DOCK7: variants seen among roughly 807,000 people sequenced by gnomAD.
The protein encoded by DOCK7 is dedicator of cytokinesis protein 7.
DOCK7 carries 138 observed loss-of-function variants against 271.0 expected under a neutral mutation model. That is an observed-to-expected ratio of 0.51 (90% CI 0.44 to 0.59). DOCK7 has a LOEUF of 0.59. Among genes scored for constraint, DOCK7 ranks in the 20% least tolerant of loss-of-function variants. DOCK7 has a pLI of 0.00. For synonymous variants in DOCK7, 823 were observed against 876.1 expected (o/e 0.94, Z 1.07); for missense variants, 2,066 against 2,592.4 (o/e 0.80, Z 4.41).
intron 1 of DOCK7, among the ~76,000 whole-genome samples, chr1:62,670,955 T>TTTTGGG: frequency 6.6e-6 from 1 of 152,018 alleles, no homozygotes; most frequent in South Asian, 2.1e-4. Context: ...GCTGTAACAC[T>TTTTGGG]CCCCGCGAAG....
intron 2 of DOCK7, among the ~76,000 whole-genome samples, chr1:62,655,360 T>C (rs567198647): frequency 6.6e-6 from 1 of 152,232 alleles, no homozygotes; most frequent in South Asian, 2.1e-4. Context: ...TCTGTGCAGG[T>C]GCACATTATT....
At chr1:62,553,852 C>T (rs544397212) in intron 21 of DOCK7, among the ~76,000 whole-genome samples, 25 of 122,666 alleles carry the variant, frequency 2.0e-4, no homozygotes, top group Admixed American at 1.1e-3. Context: ...CGTGCGTGCG[C>T]GCACACACAC....
In DOCK7 at chr1:62,492,691, A is replaced by T; in HGVS notation, c.5361+13T>A. On this transcript the variant is annotated intron_variant, in intron 41 of 49. Transcript: ENST00000635253. ...ATGAAACTGTGGGAAAAGAATTAAC[A>T]AGAGTCATCTACCATAGAGAAGGAA... is the stretch of plus-strand genomic sequence containing the variant. The T allele has an allele frequency of 1.2e-6, 2 of 1,613,800 alleles. No individual in the cohort carries two copies. The highest frequency in any genetic ancestry group is 1.7e-6 in the Non-Finnish European group (2 of 1,179,844).
At chr1:62,590,313 T>G (rs1279447518) in intron 14 of DOCK7, among the ~76,000 whole-genome samples, 2 of 152,166 alleles carry the variant, frequency 1.3e-5, no homozygotes, top group African/African-American at 4.8e-5. Flanking sequence ...TCTTTTAAAA[T>G]AAGAAAGGTT....
intron 37 of DOCK7, among the ~76,000 whole-genome samples, chr1:62,497,639 C>A (rs1467786927): frequency 6.6e-6 from 1 of 152,170 alleles, no homozygotes; most frequent in Non-Finnish European, 1.5e-5. Context: ...TACACCCTCA[C>A]CATTTCTTAT....
chr1:62,455,535 T>C, intron 49 of DOCK7, 79 bp from the exon 50 acceptor site: 1 of 1,361,424 alleles, frequency 7.3e-7, no homozygotes, highest in Non-Finnish European at 1.0e-6. Flanking sequence ...ACATGGTTTT[T>C]TCTGCCAGTT....
At chr1:62,506,413 G>A (rs1018263455) in intron 35 of DOCK7, among the ~76,000 whole-genome samples, 3 of 151,974 alleles carry the variant, frequency 2.0e-5, no homozygotes, top group African/African-American at 7.2e-5. Context: ...CAGTTATCTT[G>A]GACTTATTAA....
chr1:62,503,625 G>C (rs993419757), intron 37 of DOCK7, among the ~76,000 whole-genome samples: 1 of 151,864 alleles, frequency 6.6e-6, no homozygotes, highest in Non-Finnish European at 1.5e-5. Flanking sequence ...TTTTTTTGTA[G>C]AGATAGGGTT....
chr1:62,552,810 G>C lies in DOCK7; in HGVS notation c.2688C>G (p.Ser896Arg). The C allele has an allele frequency of 1.2e-6, 2 of 1,613,834 alleles. No homozygotes were observed. The highest frequency in any genetic ancestry group is 1.7e-6 in the Non-Finnish European group (2 of 1,179,950). The change falls in exon 22 of 50, where the codon AGC becomes AGG. Residue 896 changes from serine (S) to arginine (R), a missense_variant. Physicochemically the swap from Ser to Arg is moderately radical, Grantham distance 110. Around this residue, in one of 2 missense-constraint regions of DOCK7, gnomAD observed 1,414 missense variants for 1,670.4 expected, o/e 0.85. Transcript: ENST00000635253. ...ATATATCTGGATTGCTATTACTAAG[G>C]CTTCGAGAACGATTTAAATTAAGGC... Reference protein sequence around the residue: ...PASLNLNRSRSLSNSNPDISG... With the variant: ...PASLNLNRSRRLSNSNPDISG...
intron 19 of DOCK7, 50 bp downstream of exon 19, chr1:62,561,567 C>G (rs767224943): frequency 8.5e-6 from 10 of 1,174,084 alleles, no homozygotes; most frequent in East Asian, 2.7e-5. Flanking sequence ...TTAGATATTA[C>G]GTTCAATTTA....
intron 7 of DOCK7, among the ~76,000 whole-genome samples, chr1:62,639,724 C>T (rs986439385): frequency 1.3e-5 from 2 of 151,624 alleles, no homozygotes; most frequent in Non-Finnish European, 2.9e-5. Context: ...CCACCGGGCC[C>T]GGCCAATAAC....
chr1:62,622,290 A>G (rs1571806335), intron 12 of DOCK7, among the ~76,000 whole-genome samples: 1 of 152,304 alleles, frequency 6.6e-6, no homozygotes, highest in South Asian at 2.1e-4. Flanking sequence ...AGTCTAGCTG[A>G]TACCCTTTCC....
chr1:62,574,733 C>CT (rs1046181271), intron 18 of DOCK7, among the ~76,000 whole-genome samples: 8 of 151,632 alleles, frequency 5.3e-5, no homozygotes, highest in Non-Finnish European at 1.2e-4. Context: ...TATTTTTTTT[C>CT]TTTTTTTTAT....
rs534846120 is a variant in DOCK7, at chr1:62,581,262, C to A, written c.1871+1922G>T. 2.4e-3 allele frequency among the ~76,000 whole-genome samples: 370 copies of A among 151,888 alleles called. 2 individuals carry two copies. The highest frequency in any genetic ancestry group is 7.1e-3 in the African/African-American group (296 of 41,430). Reference sequence around the variant, plus strand: ...ATTTGGTATTATAATAGAAAAAAAACCAAGAATGGCCCAGAAACAGGACAG... The same window carrying A: ...ATTTGGTATTATAATAGAAAAAAAAACAAGAATGGCCCAGAAACAGGACAG... On this transcript the variant is annotated intron_variant, in intron 16 of 49. Transcript: ENST00000635253.
intron 21 of DOCK7, among the ~76,000 whole-genome samples, chr1:62,553,354 ATTTTTT>A (rs1159680880): frequency 2.9e-4 from 5 of 17,308 alleles, no homozygotes; most frequent in African/African-American, 1.4e-3. Context: ...ATATATATAT[ATTTTTT>A]TTTTTTTTTT....
chr1:62,519,258 AAAC>A (rs1307041350), intron 31 of DOCK7, among the ~76,000 whole-genome samples: 2 of 152,232 alleles, frequency 1.3e-5, no homozygotes, highest in African/African-American at 4.8e-5. Flanking sequence ...AAAAAGATTT[AAAC>A]AACAAGAGTA....
At chr1:62,531,995 T>C (rs1371645090) in intron 29 of DOCK7, among the ~76,000 whole-genome samples, 1 of 152,174 alleles carries the variant, frequency 6.6e-6, no homozygotes, top group Admixed American at 6.5e-5. Flanking sequence ...AAGTGCCTTG[T>C]AGAAACTAAA....
chr1:62,488,178 G>C (rs1055807003), intron 42 of DOCK7: 1 of 152,630 alleles, frequency 6.6e-6, no homozygotes, highest in Non-Finnish European at 1.5e-5. Flanking sequence ...GGTAACAGTA[G>C]GGTAGCACGG....
At chr1:62,499,342 C>A (rs188641294) in intron 37 of DOCK7, among the ~76,000 whole-genome samples, 1 of 152,024 alleles carries the variant, frequency 6.6e-6, no homozygotes, top group South Asian at 2.1e-4. Flanking sequence ...TAGCAATTTC[C>A]CACTTCTGGA....
Sources: allele counts gnomAD v4.1 joint callset (sites outside exome capture counted in the v4.1 genomes callset), GRCh38; gene constraint gnomAD v4.1.1; regional missense constraint gnomAD v4.1.1; transcripts MANE v1.5; gene names NCBI Gene and HGNC (gene_info 2026-07-23, HGNC 2026-07-21).